Variants in PCDHA10 observed in about 807,000 individuals in gnomAD.
The protein encoded by PCDHA10 is protocadherin alpha 10.
In PCDHA10, 45 loss-of-function variants were observed where a neutral mutation model predicts 61.2. The observed-to-expected ratio is 0.74, with a 90% CI of 0.58 to 0.94. PCDHA10 has a LOEUF of 0.94. PCDHA10 is among the 40% of genes least tolerant of loss of function. The pLI, the probability that PCDHA10 is intolerant of heterozygous loss-of-function variation, is 0.00. For synonymous variants in PCDHA10, 602 were observed against 548.8 expected (o/e 1.10, Z -1.35); for missense variants, 1,278 against 1,236.2 (o/e 1.03, Z -0.51).
intron 1 of PCDHA10, chr5:140,969,231 C>A (rs782084659): frequency 6.2e-7 from 1 of 1,614,110 alleles, no homozygotes; most frequent in Non-Finnish European, 8.5e-7. Context: ...CCTTCGGGAG[C>A]CCAAGCAGCA....
chr5:140,928,000 G>C, intron 1 of PCDHA10: 1 of 1,614,166 alleles, frequency 6.2e-7, no homozygotes. Flanking sequence ...TGAAGACCTC[G>C]ATTCTAATGG....
At chr5:140,983,642 G>A (rs954814692) in intron 3 of PCDHA10, among the ~76,000 whole-genome samples, 3 of 152,174 alleles carry the variant, frequency 2.0e-5, no homozygotes, top group African/African-American at 7.2e-5. Flanking sequence ...CCAAGTTCAC[G>A]TAGCTTGTAA....
At chr5:141,006,606 C>T (rs782461917) in intron 3 of PCDHA10, among the ~76,000 whole-genome samples, 3 of 152,112 alleles carry the variant, frequency 2.0e-5, no homozygotes, top group Non-Finnish European at 4.4e-5. Flanking sequence ...TGGAAGCAGA[C>T]TGAATAAGGA....
intron 1 of PCDHA10, among the ~76,000 whole-genome samples, chr5:140,974,980 G>C (rs149148015): frequency 6.6e-6 from 1 of 152,090 alleles, no homozygotes; most frequent in African/African-American, 2.4e-5. Flanking sequence ...TGAGTTGTCC[G>C]CTCAGGTATT....
At chr5:140,941,202 C>CCTTTCTTCCTTCCTTTCTTTCTTT (rs1394736170) in intron 1 of PCDHA10, among the ~76,000 whole-genome samples, 4 of 122,742 alleles carry the variant, frequency 3.3e-5, no homozygotes, top group African/African-American at 5.9e-5. Context: ...TTTCTTTCTT[C>CCTTTCTTCCTTCCTTTCTTTCTTT]CTTTCTTTCT....
At chr5:140,898,751 A>G (rs2066956971) in intron 1 of PCDHA10, among the ~76,000 whole-genome samples, 1 of 152,050 alleles carries the variant, frequency 6.6e-6, no homozygotes, top group Admixed American at 6.6e-5. Context: ...CTTGATGGGG[A>G]TGGCATTGAA....
chr5:140,981,033 GA>G (rs148859655), intron 2 of PCDHA10, among the ~76,000 whole-genome samples: 2 of 151,612 alleles, frequency 1.3e-5, no homozygotes, highest in Admixed American at 6.6e-5. Flanking sequence ...AATATTTGGG[GA>G]AAAAAAACAG....
At position 140,857,129 on chromosome 5, in the gene PCDHA10, G is replaced by A; in HGVS notation, c.1081G>A (p.Asp361Asn). The A allele has an allele frequency of 6.3e-7, 1 of 1,598,280 alleles. No homozygotes were observed. The highest frequency in any genetic ancestry group is 8.6e-7 in the Non-Finnish European group (1 of 1,167,792). ...VTSLSLPVKEDAQVGTVIALI... is the reference protein window; with the variant it reads ...VTSLSLPVKENAQVGTVIALI... ...TTCTCTGTCTCTCCCAGTGAAAGAA[G>A]ATGCTCAAGTGGGCACCGTCATTGC... The change falls in exon 1 of 4, where the codon GAT becomes AAT. Residue 361 changes from aspartate (D) to asparagine (N), a missense_variant. Transcript: ENST00000307360.
rs1554206636 is a variant in PCDHA10, at chr5:140,929,056, A to G, written c.2389-49893A>G. The G allele has an allele frequency of 1.2e-6, 2 of 1,614,064 alleles. No individual in the cohort carries two copies. Among genetic ancestry groups the G allele is most frequent in the Non-Finnish European group, 1.7e-6 (2 of 1,180,034 alleles). On this transcript the variant is annotated intron_variant, in intron 1 of 3. Transcript: ENST00000307360. ...TTGCGCTCAGAGCTGCTGTCGCTCTACAGAGGATCTGAGGTATGGAAGTAA... is the reference window on the plus strand; with the variant it reads ...TTGCGCTCAGAGCTGCTGTCGCTCTGCAGAGGATCTGAGGTATGGAAGTAA...
At chr5:140,882,988 G>A (rs782434208) in intron 1 of PCDHA10, 4 of 1,614,080 alleles carry the variant, frequency 2.5e-6, no homozygotes, top group Non-Finnish European at 3.4e-6. Context: ...ACAACGCCCC[G>A]GAATTTTACC....
At chr5:140,992,897 T>G (rs2097532683) in intron 3 of PCDHA10, among the ~76,000 whole-genome samples, 2 of 152,156 alleles carry the variant, frequency 1.3e-5, no homozygotes, top group Admixed American at 1.3e-4. Flanking sequence ...GCTGGATATC[T>G]CCAAAGCTTA....
intron 1 of PCDHA10, among the ~76,000 whole-genome samples, chr5:140,958,025 A>G (rs920360369): frequency 1.3e-5 from 2 of 152,150 alleles, no homozygotes; most frequent in Non-Finnish European, 2.9e-5. Flanking sequence ...CAAGTATACT[A>G]TGCTTTCTTT....
Position 140,857,690 on chromosome 5 carries a change from T to G in PCDHA10, c.1642T>G (p.Leu548Val), listed in dbSNP as rs184684054. The change falls in exon 1 of 4, where the codon TTG becomes GTG. Residue 548 changes from leucine to valine, a missense_variant. By Grantham distance (32) the Leu-to-Val change is conservative. Transcript: ENST00000307360. ...GGGCGTGCCGCCTCTGGGCAGCAAC[T>G]TGACGCTGCAGGTGTTCGTGCTGGA... ...DGGVPPLGSN[L>V]TLQVFVLDEN... is the part of the protein sequence containing the mutation. 2.4e-3 allele frequency: 3,841 copies of G among 1,597,044 alleles called. 312 individuals are homozygous for G. In the African/African-American group the frequency reaches 0.036, roughly 15 times the overall value.
chr5:140,875,949 T>C (rs1306170767), intron 1 of PCDHA10: 2 of 1,614,096 alleles, frequency 1.2e-6, no homozygotes, highest in African/African-American at 2.7e-5. Context: ...GCGCTTCTGA[T>C]GCGGATATCG....
At chr5:140,955,126 G>T (rs947007538) in intron 1 of PCDHA10, among the ~76,000 whole-genome samples, 6 of 152,110 alleles carry the variant, frequency 3.9e-5, no homozygotes, top group African/African-American at 1.4e-4. Flanking sequence ...CTGTTCCACT[G>T]GTCTACACGT....
intron 3 of PCDHA10, 119 bp from the exon 4 acceptor site, chr5:141,009,508 C>T (rs923907688): frequency 6.7e-7 from 1 of 1,496,530 alleles, no homozygotes; most frequent in African/African-American, 1.4e-5. Flanking sequence ...GAACAAACAA[C>T]TCGTGATTTT....
At chr5:140,862,971 A>T (rs1581664688) in intron 1 of PCDHA10, 1 of 544,766 alleles carries the variant, frequency 1.8e-6, no homozygotes, top group Non-Finnish European at 3.6e-6. Context: ...GATGCAGGCC[A>T]CTTGGTGGCG....
At chr5:141,000,589 A>G (rs1234300694) in intron 3 of PCDHA10, among the ~76,000 whole-genome samples, 3 of 150,422 alleles carry the variant, frequency 2.0e-5, no homozygotes, top group Admixed American at 2.0e-4. Context: ...CACCATGCCC[A>G]GCTAATTTTT....
chr5:140,967,278 G>T, intron 1 of PCDHA10: 1 of 1,613,408 alleles, frequency 6.2e-7, no homozygotes, highest in Non-Finnish European at 8.5e-7. Context: ...CACATAGAGA[G>T]TGCGCAGGAC....
Sources: gnomAD v4.1 joint callset for allele counts (sites outside exome capture counted in the v4.1 genomes callset) on GRCh38, gnomAD v4.1.1 for gene constraint, MANE v1.5 for transcripts, NCBI Gene and HGNC (gene_info 2026-07-23, HGNC 2026-07-21) for gene names.